Variants in KCNA6 observed in about 807,000 individuals in gnomAD.
KCNA6 encodes potassium voltage-gated channel subfamily A member 6.
Under a neutral mutation model 29.5 loss-of-function variants are expected in KCNA6, and 17 were observed. The observed-to-expected ratio is 0.58, with a 90% confidence interval of 0.39 to 0.86. The LOEUF (loss-of-function observed/expected upper bound fraction) is 0.86. KCNA6 is among the 40% of genes least tolerant of loss of function. The pLI is 0.00. For synonymous variants in KCNA6, 296 were observed against 304.7 expected, an observed-to-expected ratio of 0.97 and a Z score of 0.30; for missense variants, 450 against 703.4, an observed-to-expected ratio of 0.64 and a Z score of 4.07.
chr12:4,822,668 G>A, the KCNA6 span, among the ~76,000 whole-genome samples: 4 of 152,194 alleles, frequency 2.6e-5, no homozygotes, highest in East Asian at 1.9e-4. Context: ...TTAGAGAACC[G>A]CCTCCTGTTT....
the KCNA6 span, among the ~76,000 whole-genome samples, chr12:4,818,840 A>G: frequency 2.1e-4 from 19 of 91,100 alleles, no homozygotes; most frequent in South Asian, 4.0e-3. Context: ...CTGAAAGTGC[A>G]CACACACACA....
the KCNA6 span, among the ~76,000 whole-genome samples, chr12:4,820,591 A>ACACACACT: frequency 6.2e-5 from 9 of 144,500 alleles, no homozygotes; most frequent in African/African-American, 1.8e-4. Flanking sequence ...ACACACACAC[A>ACACACACT]CTCTTAAAAA....
At chr12:4,844,227 C>T in the KCNA6 span, among the ~76,000 whole-genome samples, 4 of 152,270 alleles carry the variant, frequency 2.6e-5, no homozygotes, top group South Asian at 2.1e-4. This position sits in a 1 kb window ranked among gnomAD's most constrained non-coding sequence, Gnocchi z 4.0. Flanking sequence ...TCCCTGTCCT[C>T]GTGGTGCTTT....
At chr12:4,821,914 G>A in the KCNA6 span, among the ~76,000 whole-genome samples, 2 of 151,984 alleles carry the variant, frequency 1.3e-5, no homozygotes, top group Admixed American at 6.5e-5. Flanking sequence ...TCGGCTCACC[G>A]CAACCTCTGC....
chr12:4,817,875 C>A (rs952082300), downstream of KCNA6, among the ~76,000 whole-genome samples: 8 of 152,222 alleles, frequency 5.3e-5, no homozygotes, highest in African/African-American at 1.9e-4. Flanking sequence ...TCTTAAGCAG[C>A]TTCTGCTGCA....
the KCNA6 span, among the ~76,000 whole-genome samples, chr12:4,847,877 G>T: frequency 6.6e-6 from 1 of 152,144 alleles, no homozygotes; most frequent in African/African-American, 2.4e-5. Context: ...TCTCACTGGG[G>T]GCCTCCAGTG....
chr12:4,817,894 G>C (rs1449981227), downstream of KCNA6, among the ~76,000 whole-genome samples: 1 of 152,232 alleles, frequency 6.6e-6, no homozygotes, highest in Non-Finnish European at 1.5e-5. Flanking sequence ...CAGGCTGCAA[G>C]GAGCGCAGAC....
At chr12:4,820,379 G>T in the KCNA6 span, among the ~76,000 whole-genome samples, 1 of 151,878 alleles carries the variant, frequency 6.6e-6, no homozygotes, top group Non-Finnish European at 1.5e-5. Flanking sequence ...CAGATGGAGG[G>T]GGCAGTGAAT....
At chr12:4,827,182 TTCCC>T in the KCNA6 span, among the ~76,000 whole-genome samples, 2 of 87,646 alleles carry the variant, frequency 2.3e-5, no homozygotes, top group Admixed American at 1.2e-4. Flanking sequence ...CTTTCCTTCC[TTCCC>T]TCCTTCCTTC....
At chr12:4,809,691 G>C in exon 1 of KCNA6, 1 of 228,848 alleles carries the variant, frequency 4.4e-6, no homozygotes, top group Non-Finnish European at 8.4e-6. Context: ...GCGTCCGGGA[G>C]CCGGGTCTCA....
the KCNA6 span, among the ~76,000 whole-genome samples, chr12:4,820,589 A>T: frequency 8.0e-3 from 1,156 of 145,274 alleles, 11 homozygotes; most frequent in African/African-American, 0.027. Context: ...ACACACACAC[A>T]CACTCTTAAA....
In KCNA6 at chr12:4,810,467, C is replaced by T. The variant is rs1946615895; in HGVS notation, c.426C>T (p.Pro142=). Residue 142 remains proline, a synonymous_variant, in exon 1 of 1, where the codon CCC becomes CCT. Coordinates refer to ENST00000280684, the Ensembl canonical transcript of KCNA6. The surrounding 1 kb of genome is among the most constrained non-coding windows in gnomAD (Gnocchi z 7.5). ...TCCGGGAGGACGAGGGCTGCCTGCC[C>T]GAAGGTGGCGAGGACGAGAAGCCGC... is the stretch of plus-strand genomic sequence containing the variant. 6.2e-7 allele frequency: 1 copy of T among 1,614,084 alleles called. No homozygotes were observed.
At chr12:4,830,814 CG>C in the KCNA6 span, among the ~76,000 whole-genome samples, 3 of 152,210 alleles carry the variant, frequency 2.0e-5, no homozygotes, top group African/African-American at 7.2e-5. Flanking sequence ...GCAGGCAATG[CG>C]GGCAGGGGCG....
At chr12:4,840,231 C>CTG in the KCNA6 span, among the ~76,000 whole-genome samples, 3 of 104,150 alleles carry the variant, frequency 2.9e-5, no homozygotes, top group African/African-American at 9.0e-5. Flanking sequence ...ATCTATCTAT[C>CTG]TATCTATCTA....
chr12:4,835,843 A>G, the KCNA6 span, among the ~76,000 whole-genome samples: 1 of 151,918 alleles, frequency 6.6e-6, no homozygotes, highest in South Asian at 2.1e-4. Flanking sequence ...TTCAAAAAGA[A>G]CCTTCTTTCT....
the KCNA6 span, among the ~76,000 whole-genome samples, chr12:4,828,387 C>T: frequency 2.0e-5 from 3 of 152,202 alleles, no homozygotes; most frequent in East Asian, 1.9e-4. Context: ...TTTTGGTAAC[C>T]CACTTCCTAT....
At position 4,811,516 on chromosome 12, in the gene KCNA6, C is replaced by T. The variant is rs1946631009; in HGVS notation, c.1475C>T (p.Thr492Ile). Reference sequence around the variant, plus strand: ...CAGCCTGCGCCGGACCTGAGGGCAACTGACAACGGACTTGGCAAGCCTGAC... The same window carrying T: ...CAGCCTGCGCCGGACCTGAGGGCAATTGACAACGGACTTGGCAAGCCTGAC... Residue 492 changes from threonine to isoleucine, a missense_variant, in exon 1 of 1, where the codon ACT becomes ATT. Thr to Ile is a moderately conservative substitution (Grantham distance 89). Transcript: ENST00000280684. This position sits in a 1 kb window ranked among gnomAD's most constrained non-coding sequence, Gnocchi z 7.1. 1 of 1,614,234 alleles carries T rather than the reference C, an allele frequency of 6.2e-7. No individual in the cohort carries two copies.
At position 4,811,854 on chromosome 12, in the gene KCNA6, G is replaced by A. The variant is rs1946635377; in HGVS notation, c.*223G>A. Reference sequence around the variant, plus strand: ...TAAGTGACATTTTTGAAATTCCAGCGGTGCCACCCAATCATGCCCAGCTTC... The same window carrying A: ...TAAGTGACATTTTTGAAATTCCAGCAGTGCCACCCAATCATGCCCAGCTTC... On this transcript the variant is annotated 3_prime_UTR_variant, in exon 1 of 1. Coordinates refer to ENST00000280684, the Ensembl canonical transcript of KCNA6. This position sits in a 1 kb window ranked among gnomAD's most constrained non-coding sequence, Gnocchi z 7.1. The A allele has an allele frequency of 1.8e-5, 10 of 560,002 alleles. No homozygotes were observed. Among genetic ancestry groups the A allele is most frequent in the South Asian group, 1.1e-4 (4 of 35,904 alleles). The allele number at this position is 560,002 out of a possible 1,614,324, so 34.7% of individuals were successfully genotyped here. A position where few individuals can be genotyped will look rare whatever the true frequency, so the allele number is the denominator to read the frequency against.
downstream of KCNA6, among the ~76,000 whole-genome samples, chr12:4,816,448 A>G (rs559901657): frequency 4.6e-5 from 7 of 152,270 alleles, no homozygotes; most frequent in South Asian, 1.5e-3. Flanking sequence ...TATGTTGAAC[A>G]TTATTCATTA....
Sources: gnomAD v4.1 joint callset for allele counts (sites outside exome capture counted in the v4.1 genomes callset) on GRCh38, gnomAD v4.1.1 for gene constraint, Gnocchi (gnomAD v3.1) non-coding constraint, MANE v1.5 for transcripts, NCBI Gene and HGNC (gene_info 2026-07-23, HGNC 2026-07-21) for gene names.